SP6: variants seen among roughly 807,000 people sequenced by gnomAD.
The protein encoded by SP6 is Sp6 transcription factor.
Under a neutral mutation model 23.4 loss-of-function variants are expected in SP6, and 10 were observed. The ratio of observed to expected loss-of-function variants is 0.43; its 90% CI spans 0.26 to 0.72. SP6 has a LOEUF of 0.72. Ranked by LOEUF, SP6 falls within the 30% of genes least tolerant of loss-of-function variation. The pLI is 0.23. For synonymous variants in SP6, 238 were observed against 238.7 expected (o/e 1.00, Z 0.03); for missense variants, 482 against 523.8 (o/e 0.92, Z 0.78).
At chr17:47,871,376 T>C in the SP6 span, among the ~76,000 whole-genome samples, 1 of 152,214 alleles carries the variant, frequency 6.6e-6, no homozygotes, top group South Asian at 2.1e-4. Flanking sequence ...TGTCCCCACT[T>C]CTCCCTCCAA....
chr17:47,858,062 C>A (rs1166816365), upstream of SP6, among the ~76,000 whole-genome samples: 2 of 152,118 alleles, frequency 1.3e-5, no homozygotes, highest in Non-Finnish European at 2.9e-5. Flanking sequence ...AGTGCCTGGG[C>A]CTATTTCCTC....
At chr17:47,860,896 A>T in the SP6 span, among the ~76,000 whole-genome samples, 1 of 152,114 alleles carries the variant, frequency 6.6e-6, no homozygotes, top group African/African-American at 2.4e-5. Flanking sequence ...ACAAGGCTCC[A>T]TAAGAGGCCC....
At chr17:47,868,389 T>C in the SP6 span, among the ~76,000 whole-genome samples, 2 of 152,226 alleles carry the variant, frequency 1.3e-5, no homozygotes, top group Non-Finnish European at 2.9e-5. Flanking sequence ...GCACTCGAAG[T>C]GCTGGAAGAG....
At chr17:47,849,315 T>C (rs2033931323) in intron 1 of SP6, among the ~76,000 whole-genome samples, 1 of 152,078 alleles carries the variant, frequency 6.6e-6, no homozygotes, top group Admixed American at 6.5e-5. Context: ...AGATAGAAAG[T>C]TGGGAGGGAA....
upstream of SP6, among the ~76,000 whole-genome samples, chr17:47,859,608 T>G (rs2034021482): frequency 6.6e-6 from 1 of 152,180 alleles, no homozygotes; most frequent in Non-Finnish European, 1.5e-5. Context: ...GAATCCAAGC[T>G]TCCAGAAGCT....
chr17:47,868,965 C>G, the SP6 span, among the ~76,000 whole-genome samples: 4 of 152,240 alleles, frequency 2.6e-5, no homozygotes, highest in African/African-American at 9.6e-5. Context: ...GGCAGCTTAT[C>G]CTGAAACCAC....
chr17:47,865,460 G>A, the SP6 span, among the ~76,000 whole-genome samples: 1 of 152,096 alleles, frequency 6.6e-6, no homozygotes, highest in South Asian at 2.1e-4. Flanking sequence ...CTCTGAGAGG[G>A]TCCAACCCTC....
upstream of SP6, among the ~76,000 whole-genome samples, chr17:47,858,918 G>A (rs2034016866): frequency 1.3e-5 from 2 of 151,784 alleles, no homozygotes; most frequent in South Asian, 2.1e-4. Flanking sequence ...GGGATTACAG[G>A]CACCCACCAT....
the SP6 span, among the ~76,000 whole-genome samples, chr17:47,875,156 C>G: frequency 6.6e-6 from 1 of 152,338 alleles, no homozygotes; most frequent in Middle Eastern, 3.4e-3. Flanking sequence ...TTACCACCCT[C>G]ATCCCTCTCC....
At chr17:47,871,272 T>C in the SP6 span, among the ~76,000 whole-genome samples, 14 of 152,230 alleles carry the variant, frequency 9.2e-5, no homozygotes, top group Non-Finnish European at 2.1e-4. Context: ...TCTGTCATCA[T>C]TTATTGAGCA....
chr17:47,863,515 C>T, the SP6 span: 1 of 149,282 alleles, frequency 6.7e-6, no homozygotes, highest in African/African-American at 2.5e-5. Context: ...CTTAAGTGGG[C>T]ATAGGAGGGT....
chr17:47,853,761 T>C (rs2033979093), upstream of SP6, among the ~76,000 whole-genome samples: 1 of 152,162 alleles, frequency 6.6e-6, no homozygotes, highest in African/African-American at 2.4e-5. Context: ...TGCCTGCAGC[T>C]CATCAGCAGG....
chr17:47,858,816 C>T (rs1290765275), upstream of SP6, among the ~76,000 whole-genome samples: 1 of 140,772 alleles, frequency 7.1e-6, no homozygotes, highest in African/African-American at 2.6e-5. Flanking sequence ...CCTCTATCAC[C>T]CAGACTGGAG....
At chr17:47,864,176 T>C in the SP6 span, among the ~76,000 whole-genome samples, 6 of 151,962 alleles carry the variant, frequency 3.9e-5, no homozygotes, top group African/African-American at 9.7e-5. Context: ...GCATTGATTA[T>C]CCACAAGTGC....
At chr17:47,873,623 A>G in the SP6 span, among the ~76,000 whole-genome samples, 1 of 152,084 alleles carries the variant, frequency 6.6e-6, no homozygotes, top group African/African-American at 2.4e-5. Flanking sequence ...TATCTCTGGG[A>G]AAAAAGGCTC....
At chr17:47,850,459 G>A (rs2033942580) in intron 1 of SP6, among the ~76,000 whole-genome samples, 1 of 152,154 alleles carries the variant, frequency 6.6e-6, no homozygotes. Flanking sequence ...TGCCTCTATG[G>A]TCCTTGACCC....
chr17:47,854,167 AC>A (rs1485435116), upstream of SP6, among the ~76,000 whole-genome samples: 1 of 151,778 alleles, frequency 6.6e-6, no homozygotes, highest in Non-Finnish European at 1.5e-5. Flanking sequence ...CATTCCTGCC[AC>A]CCCTCTTCTT....
chr17:47,847,564 A>G lies in SP6; in HGVS notation c.866T>C (p.Leu289Pro). ...SGDRPFVCNW[L>P]FCGKRFTRSD... ...GCGCGTGAAGCGCTTGCCGCAGAAGAGCCAGTTGCACACGAAGGGACGGTC... is the reference window on the plus strand; with the variant it reads ...GCGCGTGAAGCGCTTGCCGCAGAAGGGCCAGTTGCACACGAAGGGACGGTC... Residue 289 changes from leucine to proline, a missense_variant, in exon 2 of 2, where the codon CTC becomes CCC. Physicochemically the swap from Leu to Pro is moderately conservative, Grantham distance 98. Around this residue, in one of 3 missense-constraint regions of SP6, gnomAD observed 51 missense variants for 92.1 expected, o/e 0.55. Coordinates refer to ENST00000536300, the MANE Select transcript of SP6 (RefSeq NM_001258248.2). The G allele has an allele frequency of 2.5e-6, 4 of 1,613,730 alleles. No individual in the cohort carries two copies. The highest frequency in any genetic ancestry group is 3.4e-6 in the Non-Finnish European group (4 of 1,179,964).
At chr17:47,862,622 GAA>G in the SP6 span, among the ~76,000 whole-genome samples, 1 of 152,166 alleles carries the variant, frequency 6.6e-6, no homozygotes, top group Non-Finnish European at 1.5e-5. Flanking sequence ...GTGCGGATGA[GAA>G]AGAGACAGCA....
Sources: allele counts gnomAD v4.1 joint callset (sites outside exome capture counted in the v4.1 genomes callset), GRCh38; gene constraint gnomAD v4.1.1; regional missense constraint gnomAD v4.1.1; transcripts MANE v1.5; gene names NCBI Gene and HGNC (gene_info 2026-07-23, HGNC 2026-07-21).